The following ADAMTS12 variants were observed in gnomAD, a reference collection of about 807,000 sequenced individuals.
ADAMTS12 encodes the protein A disintegrin and metalloproteinase with thrombospondin motifs 12.
A neutral mutation model predicts 167.8 loss-of-function variants in ADAMTS12; 118 were observed. The observed-to-expected ratio is 0.70, with a 90% CI of 0.61 to 0.82. The LOEUF is 0.82. Ranked by LOEUF, ADAMTS12 falls within the 40% of genes least tolerant of loss-of-function variation. The pLI is 0.00. For missense variants in ADAMTS12, 1,916 were observed against 1,998.8 expected (o/e 0.96, Z 0.79); for synonymous variants, 704 against 716.9 (o/e 0.98, Z 0.29).
chr5:33,536,243 C>T (rs1289501854), intron 22 of ADAMTS12, among the ~76,000 whole-genome samples: 1 of 152,222 alleles, frequency 6.6e-6, no homozygotes, highest in Admixed American at 6.5e-5. Flanking sequence ...TCAAGTGATT[C>T]TCCTACCTCA....
intron 2 of ADAMTS12, among the ~76,000 whole-genome samples, chr5:33,816,004 G>A (rs1256856933): frequency 6.6e-6 from 1 of 152,158 alleles, no homozygotes; most frequent in African/African-American, 2.4e-5. Context: ...CAAACAAAGA[G>A]TAGTGTGATT....
chr5:33,549,309 C>T lies in ADAMTS12; in HGVS notation c.4200G>A (p.Leu1400=). ...QCVDSRDHRN[L]RPFHCQFLAG... ...CCAGGAACTGGCAGTGAAATGGCCT[C>T]AGGTTCCGGTGGTCCCGGCTGTCCA... The change falls in exon 21 of 24, where the codon CTG becomes CTA. Residue 1400 remains leucine, a synonymous_variant. Coordinates refer to ENST00000504830, the MANE Select transcript of ADAMTS12 (RefSeq NM_030955.4). 1 of 1,614,224 alleles carries T rather than the reference C, an allele frequency of 6.2e-7. No individual in the cohort carries two copies. The highest frequency in any genetic ancestry group is 8.5e-7 in the Non-Finnish European group (1 of 1,180,036).
At chr5:33,822,513 T>G (rs1023890068) in intron 2 of ADAMTS12, among the ~76,000 whole-genome samples, 2 of 152,188 alleles carry the variant, frequency 1.3e-5, no homozygotes, top group African/African-American at 4.8e-5. Flanking sequence ...GTTCCTTAAT[T>G]ACCAATAAAA....
At position 33,881,256 on chromosome 5, in the gene ADAMTS12, T is replaced by C. The variant is rs1409886854; in HGVS notation, c.352A>G (p.Ile118Val). 2 of 1,614,166 alleles carry C rather than the reference T, an allele frequency of 1.2e-6. No individual in the cohort carries two copies. Among genetic ancestry groups the C allele is most frequent in the Non-Finnish European group, 1.7e-6 (2 of 1,180,020 alleles). The change falls in exon 2 of 24, where the codon ATC becomes GTC. Residue 118 changes from isoleucine (I) to valine (V), a missense_variant. Coordinates refer to ENST00000504830, the MANE Select transcript of ADAMTS12 (RefSeq NM_030955.4). ...VNQGFLSNSY[I>V]MEKRYGNLSH... ...AGGTTCCCATATCTCTTCTCCATGA[T>C]GTAGCTATTGGAAAGAAATCCTTGA...
At chr5:33,545,302 C>CTTTT (rs1744915797) in intron 22 of ADAMTS12, among the ~76,000 whole-genome samples, 1 of 152,114 alleles carries the variant, frequency 6.6e-6, no homozygotes, top group Non-Finnish European at 1.5e-5. Context: ...AAATCAAAAC[C>CTTTT]ACAATGAGAT....
At chr5:33,708,941 A>G (rs1467472310) in intron 3 of ADAMTS12, among the ~76,000 whole-genome samples, 1 of 152,136 alleles carries the variant, frequency 6.6e-6, no homozygotes, top group Non-Finnish European at 1.5e-5. Context: ...AACTTAAAGT[A>G]TACTAAAAAA....
intron 3 of ADAMTS12, among the ~76,000 whole-genome samples, chr5:33,713,821 C>G (rs540786400): frequency 2.0e-5 from 3 of 152,092 alleles, no homozygotes; most frequent in East Asian, 3.9e-4. Flanking sequence ...GATTATATGA[C>G]AAGAATCTAC....
At chr5:33,819,765 T>G (rs981411470) in intron 2 of ADAMTS12, among the ~76,000 whole-genome samples, 5 of 152,090 alleles carry the variant, frequency 3.3e-5, no homozygotes, top group African/African-American at 1.2e-4. Context: ...AGCCATCTCA[T>G]CTGGGGGCCA....
chr5:33,787,432 A>G (rs1746369856), intron 2 of ADAMTS12, among the ~76,000 whole-genome samples: 3 of 152,254 alleles, frequency 2.0e-5, no homozygotes, highest in Non-Finnish European at 4.4e-5. Flanking sequence ...AATTCCTAAT[A>G]TTTTCCAGCA....
intron 23 of ADAMTS12, among the ~76,000 whole-genome samples, chr5:33,529,793 C>T (rs964374148): frequency 7.9e-5 from 12 of 152,144 alleles, no homozygotes; most frequent in Admixed American, 1.3e-4. Context: ...TATAATGCTC[C>T]TAGATTCCAA....
At chr5:33,792,892 C>G (rs1561275006) in intron 2 of ADAMTS12, among the ~76,000 whole-genome samples, 1 of 152,172 alleles carries the variant, frequency 6.6e-6, no homozygotes, top group African/African-American at 2.4e-5. Flanking sequence ...TTGTGGTTCC[C>G]CTGGACTGGC....
At chr5:33,760,920 T>TGTGTGTGTGTGTGTGTGC (rs1323504319) in intron 2 of ADAMTS12, among the ~76,000 whole-genome samples, 1 of 146,162 alleles carries the variant, frequency 6.8e-6, no homozygotes, top group African/African-American at 2.5e-5. Context: ...TGTGTGTGTG[T>TGTGTGTGTGTGTGTGTGC]GCGTATGCGC....
At chr5:33,767,567 AT>A (rs756939859) in intron 2 of ADAMTS12, among the ~76,000 whole-genome samples, 8 of 152,264 alleles carry the variant, frequency 5.3e-5, no homozygotes, top group Middle Eastern at 3.4e-3. Flanking sequence ...ACTAAAAATA[AT>A]TTTTTTAAGG....
At chr5:33,816,766 G>A (rs966615272) in intron 2 of ADAMTS12, among the ~76,000 whole-genome samples, 1 of 152,182 alleles carries the variant, frequency 6.6e-6, no homozygotes, top group African/African-American at 2.4e-5. Flanking sequence ...CATCAACTGA[G>A]GATGAGAAGC....
chr5:33,640,341 T>A (rs1051086565), intron 11 of ADAMTS12, among the ~76,000 whole-genome samples: 4 of 152,226 alleles, frequency 2.6e-5, no homozygotes, highest in Non-Finnish European at 4.4e-5. Flanking sequence ...GGTTAGAGAT[T>A]CATCCTTCAC....
chr5:33,761,779 T>C (rs1187656681), intron 2 of ADAMTS12, among the ~76,000 whole-genome samples: 1 of 152,226 alleles, frequency 6.6e-6, no homozygotes, highest in Non-Finnish European at 1.5e-5. Flanking sequence ...GTAACTGTAG[T>C]ATTTTTTGGC....
At chr5:33,536,309 C>T (rs543557219) in intron 22 of ADAMTS12, among the ~76,000 whole-genome samples, 201 of 152,222 alleles carry the variant, frequency 1.3e-3, no homozygotes, top group African/African-American at 4.7e-3. Flanking sequence ...TGACTTTTTC[C>T]TCTGGCACAC....
intron 17 of ADAMTS12, among the ~76,000 whole-genome samples, chr5:33,589,960 C>T (rs1747552590): frequency 1.3e-5 from 2 of 152,134 alleles, no homozygotes; most frequent in South Asian, 4.1e-4. Context: ...TCAATTCAAT[C>T]ATATTCTTCA....
intron 2 of ADAMTS12, among the ~76,000 whole-genome samples, chr5:33,880,399 T>C (rs1352370666): frequency 1.3e-5 from 2 of 152,238 alleles, no homozygotes; most frequent in East Asian, 1.9e-4. Context: ...ACAGCAAATA[T>C]TGTGCGGTTC....
Sources: allele counts gnomAD v4.1 joint callset (sites outside exome capture counted in the v4.1 genomes callset), GRCh38; gene constraint gnomAD v4.1.1; transcripts MANE v1.5; gene names NCBI Gene and HGNC (gene_info 2026-07-23, HGNC 2026-07-21).